Variants in OPCML observed in about 807,000 individuals in gnomAD.
OPCML encodes opioid-binding protein/cell adhesion molecule.
In OPCML, 13 loss-of-function variants were observed where a neutral mutation model predicts 37.8. That is an observed-to-expected ratio of 0.34 (90% CI 0.22 to 0.55). OPCML has a LOEUF of 0.55. Among genes scored for constraint, OPCML ranks in the 20% least tolerant of loss-of-function variants. The pLI is 0.91. For synonymous variants in OPCML, 176 were observed against 168.8 expected (o/e 1.04, Z -0.33); for missense variants, 341 against 435.6 (o/e 0.78, Z 1.93).
chr11:133,108,367 C>G (rs1041439594), intron 1 of OPCML, among the ~76,000 whole-genome samples: 4 of 152,142 alleles, frequency 2.6e-5, no homozygotes, highest in Non-Finnish European at 4.4e-5. Context: ...TACACATTTA[C>G]TTAGTGGACT....
chr11:133,231,228 A>T (rs1383909815), intron 1 of OPCML, among the ~76,000 whole-genome samples: 2 of 152,148 alleles, frequency 1.3e-5, no homozygotes, highest in African/African-American at 4.8e-5. Flanking sequence ...GAGGATAAAA[A>T]ATTAAGCTCC....
intron 1 of OPCML, among the ~76,000 whole-genome samples, chr11:133,100,147 G>A (rs530626121): frequency 2.7e-4 from 41 of 152,218 alleles, no homozygotes; most frequent in South Asian, 2.1e-4. Context: ...AAGATGGGAC[G>A]AGACACCTGA....
At chr11:133,045,055 A>G (rs1178834892) in intron 1 of OPCML, among the ~76,000 whole-genome samples, 1 of 152,186 alleles carries the variant, frequency 6.6e-6, no homozygotes, top group African/African-American at 2.4e-5. Flanking sequence ...AAAGTTGGCT[A>G]CTGTCCTAGA....
At chr11:132,644,472 G>T (rs912471183) in intron 3 of OPCML, among the ~76,000 whole-genome samples, 1 of 151,326 alleles carries the variant, frequency 6.6e-6, no homozygotes, top group Non-Finnish European at 1.5e-5. Context: ...TATCTGAACA[G>T]AAATTAAGAA....
intron 4 of OPCML, among the ~76,000 whole-genome samples, chr11:132,498,791 T>C (rs942493624): frequency 2.6e-5 from 4 of 150,968 alleles, no homozygotes; most frequent in African/African-American, 9.9e-5. Flanking sequence ...TCCTGATGGT[T>C]TTAAAATAAT....
At chr11:132,460,534 G>A (rs901813093) in intron 4 of OPCML, among the ~76,000 whole-genome samples, 2 of 152,172 alleles carry the variant, frequency 1.3e-5, no homozygotes, top group African/African-American at 4.8e-5. Flanking sequence ...AGGGCAGGAG[G>A]AAGATGTATG....
At chr11:133,061,777 C>A (rs1469348566) in intron 1 of OPCML, among the ~76,000 whole-genome samples, 1 of 152,114 alleles carries the variant, frequency 6.6e-6, no homozygotes, top group Non-Finnish European at 1.5e-5. Flanking sequence ...GGGATCTTCT[C>A]ATCTCTTCTT....
At chr11:132,470,288 T>C (rs910455915) in intron 4 of OPCML, among the ~76,000 whole-genome samples, 16 of 151,912 alleles carry the variant, frequency 1.1e-4, no homozygotes, top group Admixed American at 9.2e-4. Flanking sequence ...TTGGGATGAG[T>C]TCTGGGGGTA....
intron 1 of OPCML, among the ~76,000 whole-genome samples, chr11:133,236,440 C>T (rs1940519578): frequency 1.3e-5 from 2 of 152,054 alleles, no homozygotes; most frequent in South Asian, 4.1e-4. Flanking sequence ...GTCACAGAAG[C>T]CATGGAGAAG....
At chr11:132,894,861 A>G (rs112012181) in intron 2 of OPCML, among the ~76,000 whole-genome samples, 6,201 of 152,264 alleles carry the variant, frequency 0.041, 166 homozygotes, top group African/African-American at 0.066. Context: ...CTTGGCCTGA[A>G]CAACACTACT....
At chr11:133,216,156 T>G (rs79813979) in intron 1 of OPCML, among the ~76,000 whole-genome samples, 2,389 of 152,282 alleles carry the variant, frequency 0.016, 68 homozygotes, top group African/African-American at 0.053. Flanking sequence ...CGTATGTGAT[T>G]GCCCTGCCTC....
At chr11:132,446,075 G>A (rs963743391) in intron 4 of OPCML, among the ~76,000 whole-genome samples, 3 of 145,936 alleles carry the variant, frequency 2.1e-5, no homozygotes, top group Non-Finnish European at 4.5e-5. Flanking sequence ...ACAGTGAAGA[G>A]GTGTGTTTAG....
chr11:132,737,210 A>G (rs1441137515), intron 2 of OPCML, among the ~76,000 whole-genome samples: 1 of 152,206 alleles, frequency 6.6e-6, no homozygotes, highest in African/African-American at 2.4e-5. Context: ...ATGAGAGTAG[A>G]AAGCGTAGTA....
At chr11:133,071,131 TG>T (rs1406791031) in intron 1 of OPCML, among the ~76,000 whole-genome samples, 1 of 152,132 alleles carries the variant, frequency 6.6e-6, no homozygotes, top group Non-Finnish European at 1.5e-5. Context: ...TATACTAGGT[TG>T]GGGTGAGGCA....
At chr11:132,586,947 G>A (rs1005323375) in intron 3 of OPCML, among the ~76,000 whole-genome samples, 2 of 152,194 alleles carry the variant, frequency 1.3e-5, no homozygotes, top group Non-Finnish European at 2.9e-5. Flanking sequence ...GCAGGCTCTG[G>A]AGGCAGAATA....
rs928571687 is a variant in OPCML at position 132,932,273 on chromosome 11, C to T, written c.146+10653G>A. Among the ~76,000 whole-genome samples, 8 of 152,110 alleles carry T rather than the reference C, an allele frequency of 5.3e-5. No individual in the cohort carries two copies. In the East Asian group the frequency reaches 5.8e-4, roughly 11 times the overall value. The stretch of plus-strand genomic sequence containing the variant: ...GCAACGTGAATGTACTTAATGCCAC[C>T]GAACTGTATATTTAAAATTGGTTTA... On this transcript the variant is annotated intron_variant, in intron 2 of 7. Coordinates refer to ENST00000524381, the MANE Select transcript of OPCML (RefSeq NM_001012393.5).
At chr11:133,467,694 T>C (rs979458553) in intron 1 of OPCML, among the ~76,000 whole-genome samples, 1 of 152,144 alleles carries the variant, frequency 6.6e-6, no homozygotes, top group African/African-American at 2.4e-5. Flanking sequence ...TGGTCCCATA[T>C]GTCCTGAATG....
chr11:133,237,134 C>T lies in OPCML; in HGVS notation c.62-294124G>A, dbSNP rs1478091260. 5.3e-5 allele frequency among the ~76,000 whole-genome samples: 8 copies of T among 152,270 alleles called. No homozygotes were observed. In the South Asian group the frequency reaches 8.3e-4, roughly 16 times the overall value. Reference sequence around the variant, plus strand: ...CTAACCAAAAAGATGTTTCCAGAAGCGATCATTTAATGATAGGGCAGCCCA... The same window carrying T: ...CTAACCAAAAAGATGTTTCCAGAAGTGATCATTTAATGATAGGGCAGCCCA... On this transcript the variant is annotated intron_variant, in intron 1 of 7. Coordinates refer to ENST00000524381, the MANE Select transcript of OPCML (RefSeq NM_001012393.5).
intron 7 of OPCML, among the ~76,000 whole-genome samples, chr11:132,430,571 C>T (rs2095993334): frequency 1.3e-5 from 2 of 152,192 alleles, no homozygotes. Context: ...CAGGCTTGGC[C>T]TGAGGAAGAA....
Sources: allele counts gnomAD v4.1 joint callset (sites outside exome capture counted in the v4.1 genomes callset), GRCh38; gene constraint gnomAD v4.1.1; transcripts MANE v1.5; gene names NCBI Gene and HGNC (gene_info 2026-07-23, HGNC 2026-07-21).